Variants in DLG2 observed in about 807,000 individuals in gnomAD.
The protein encoded by DLG2 is disks large homolog 2.
A neutral mutation model predicts 132.5 loss-of-function variants in DLG2; 45 were observed. The observed-to-expected ratio is 0.34, with a 90% CI of 0.27 to 0.44. The LOEUF (loss-of-function observed/expected upper bound fraction) is 0.44, where lower values mean the gene tolerates loss of function less well. DLG2 is among the 20% of genes least tolerant of loss of function. The pLI is 1.00. For missense variants in DLG2, 1,045 were observed against 1,196.9 expected (o/e 0.87, Z 1.87); for synonymous variants, 424 against 419.6 (o/e 1.01, Z -0.13).
intron 6 of DLG2, among the ~76,000 whole-genome samples, chr11:84,640,801 G>A (rs527750423): frequency 8.6e-5 from 13 of 151,962 alleles, no homozygotes; most frequent in Non-Finnish European, 1.6e-4. Context: ...TTAGCCAAGC[G>A]TGGTGGTGCA....
intron 4 of DLG2, among the ~76,000 whole-genome samples, chr11:85,232,902 T>A (rs929022814): frequency 2.0e-5 from 3 of 151,984 alleles, no homozygotes; most frequent in Non-Finnish European, 2.9e-5. Flanking sequence ...CCAAATGTAC[T>A]TTTATTTGGT....
intron 15 of DLG2, among the ~76,000 whole-genome samples, chr11:83,899,964 A>G (rs1374337579): frequency 6.6e-6 from 1 of 152,208 alleles, no homozygotes; most frequent in African/African-American, 2.4e-5. Context: ...AAATGCTGAT[A>G]GTGATATGGA....
intron 3 of DLG2, among the ~76,000 whole-genome samples, chr11:85,535,426 C>T (rs1380533589): frequency 6.6e-6 from 1 of 151,872 alleles, no homozygotes; most frequent in Non-Finnish European, 1.5e-5. Flanking sequence ...GCAGTTTGCT[C>T]TTAATAATTT....
intron 6 of DLG2, among the ~76,000 whole-genome samples, chr11:84,865,534 A>C (rs1212195912): frequency 6.6e-6 from 1 of 152,206 alleles, no homozygotes; most frequent in African/African-American, 2.4e-5. Context: ...TTTATGAGAG[A>C]AAATGACAAG....
In DLG2 at chr11:84,275,306, C is replaced by T. The variant is rs114214777; in HGVS notation, c.520-24015G>A. Among the ~76,000 whole-genome samples the T allele has an allele frequency of 8.7e-3, 1,318 of 152,170 alleles. 21 individuals carry two copies. Among genetic ancestry groups the T allele is most frequent in the African/African-American group, 0.03 (1,239 of 41,516 alleles). ...CTGCCCTTTGAATCTTGCATTCATTCATTTATTCATTGATCCAACAAACAT... is the reference window on the plus strand; with the variant it reads ...CTGCCCTTTGAATCTTGCATTCATTTATTTATTCATTGATCCAACAAACAT... On this transcript the variant is annotated intron_variant, in intron 7 of 27. Transcript: ENST00000376104.
chr11:84,297,098 A>G (rs1173346076), intron 7 of DLG2, among the ~76,000 whole-genome samples: 1 of 150,580 alleles, frequency 6.6e-6, no homozygotes, highest in Non-Finnish European at 1.5e-5. Flanking sequence ...TAAGATCAAT[A>G]CTCACCCATG....
chr11:83,765,921 T>C (rs1404738654), intron 18 of DLG2, among the ~76,000 whole-genome samples: 1 of 152,182 alleles, frequency 6.6e-6, no homozygotes, highest in Non-Finnish European at 1.5e-5. Context: ...AAATAAAAAG[T>C]AGATTCACAT....
intron 2 of DLG2, among the ~76,000 whole-genome samples, chr11:85,624,924 A>G (rs1305586969): frequency 1.3e-5 from 2 of 152,158 alleles, no homozygotes; most frequent in Admixed American, 6.5e-5. Context: ...AAATTCTTCT[A>G]AAGTATTATA....
At chr11:84,220,248 A>G (rs2096894542) in intron 8 of DLG2, among the ~76,000 whole-genome samples, 1 of 152,198 alleles carries the variant, frequency 6.6e-6, no homozygotes, top group East Asian at 1.9e-4. Flanking sequence ...TATCTCCTAG[A>G]CAAAATTCCT....
chr11:85,427,555 C>A (rs1316361933), intron 3 of DLG2, among the ~76,000 whole-genome samples: 1 of 152,112 alleles, frequency 6.6e-6, no homozygotes, highest in Admixed American at 6.6e-5. Flanking sequence ...GAAACAAAAT[C>A]CTTTACAGAC....
intron 18 of DLG2, among the ~76,000 whole-genome samples, chr11:83,681,483 G>A (rs1166851571): frequency 1.3e-5 from 2 of 152,120 alleles, no homozygotes; most frequent in Admixed American, 6.5e-5. Flanking sequence ...GCATTTGTCC[G>A]TCCTGCGGGT....
At chr11:83,865,778 A>T (rs2062224129) in intron 16 of DLG2, among the ~76,000 whole-genome samples, 1 of 152,174 alleles carries the variant, frequency 6.6e-6, no homozygotes, top group Non-Finnish European at 1.5e-5. Context: ...TCTGATAAGC[A>T]AGTGGAAGAC....
intron 9 of DLG2, among the ~76,000 whole-genome samples, chr11:84,159,048 A>C (rs980916169): frequency 1.3e-5 from 2 of 152,200 alleles, no homozygotes; most frequent in Non-Finnish European, 2.9e-5. Flanking sequence ...TTGACCAGAA[A>C]GTGCTAGAGC....
chr11:85,374,511 GT>G (rs2085246574), intron 3 of DLG2, among the ~76,000 whole-genome samples: 1 of 152,126 alleles, frequency 6.6e-6, no homozygotes, highest in African/African-American at 2.4e-5. Flanking sequence ...GGCTAATTTT[GT>G]ATTTTTAGTA....
intron 26 of DLG2, 124 bp from the exon 27 acceptor site, chr11:83,462,217 C>G: frequency 3.0e-6 from 2 of 657,742 alleles, no homozygotes; most frequent in Admixed American, 2.5e-5. Flanking sequence ...GGTTTTTAGT[C>G]TTCATTCAGG....
chr11:84,821,081 C>T (rs1275507101), intron 6 of DLG2, among the ~76,000 whole-genome samples: 1 of 151,810 alleles, frequency 6.6e-6, no homozygotes, highest in Non-Finnish European at 1.5e-5. Context: ...TCAAATGTGA[C>T]ACAAGAATGT....
chr11:84,502,310 CTTTCTT>C (rs2099217256), intron 7 of DLG2, among the ~76,000 whole-genome samples: 1 of 3,590 alleles, frequency 2.8e-4, no homozygotes, highest in Admixed American at 3.2e-3. Flanking sequence ...TTCTTTCTTT[CTTTCTT>C]TCTTTCTTTC....
At chr11:84,196,418 A>G (rs535708289) in intron 8 of DLG2, among the ~76,000 whole-genome samples, 1 of 152,332 alleles carries the variant, frequency 6.6e-6, no homozygotes, top group Admixed American at 6.5e-5. Flanking sequence ...TGAGCGGCCA[A>G]AACAACTCTC....
intron 19 of DLG2, among the ~76,000 whole-genome samples, chr11:83,616,577 C>T (rs1478247795): frequency 6.6e-6 from 1 of 151,916 alleles, no homozygotes; most frequent in Non-Finnish European, 1.5e-5. Context: ...GTCTGGATTA[C>T]AAATATCTTT....
Sources: allele counts gnomAD v4.1 joint callset (sites outside exome capture counted in the v4.1 genomes callset), GRCh38; gene constraint gnomAD v4.1.1; transcripts MANE v1.5; gene names NCBI Gene and HGNC (gene_info 2026-07-23, HGNC 2026-07-21).